The following GUCY1A2 variants were observed in gnomAD, a reference collection of about 807,000 sequenced individuals.
GUCY1A2 encodes guanylate cyclase 1 soluble subunit alpha 2.
A neutral mutation model predicts 63.5 loss-of-function variants in GUCY1A2; 27 were observed. The observed-to-expected ratio is 0.43, with a 90% confidence interval of 0.31 to 0.59. GUCY1A2 has a LOEUF of 0.59. GUCY1A2 is among the 20% of genes least tolerant of loss of function. The pLI, the probability that GUCY1A2 is intolerant of heterozygous loss-of-function variation, is 0.11. For missense variants in GUCY1A2, 768 were observed against 913.3 expected, an observed-to-expected ratio of 0.84 and a Z score of 2.05; for synonymous variants, 364 against 343.5, an observed-to-expected ratio of 1.06 and a Z score of -0.66.
chr11:106,807,190 A>G (rs1324841756), intron 5 of GUCY1A2, among the ~76,000 whole-genome samples: 1 of 152,154 alleles, frequency 6.6e-6, no homozygotes, highest in African/African-American at 2.4e-5. Flanking sequence ...AACTCTTTTC[A>G]TTTCATAAAA....
At chr11:106,802,807 C>G (rs1338924008) in intron 5 of GUCY1A2, among the ~76,000 whole-genome samples, 1 of 152,038 alleles carries the variant, frequency 6.6e-6, no homozygotes, top group Non-Finnish European at 1.5e-5. Flanking sequence ...ATTGAAGTCC[C>G]CACCTTCAAG....
In GUCY1A2 at chr11:106,981,951, A is replaced by T. The variant is rs926972546; in HGVS notation, c.366-3211T>A. On this transcript the variant is annotated intron_variant, in intron 2 of 7. Transcript: ENST00000526355. ...AAAGAGTCATTTACTAACAGTAGTAATAATAATTCAATTCATTTATTGATT... is the reference window on the plus strand; with the variant it reads ...AAAGAGTCATTTACTAACAGTAGTATTAATAATTCAATTCATTTATTGATT... 2.6e-5 allele frequency among the ~76,000 whole-genome samples: 4 copies of T among 152,214 alleles called. No individual in the cohort carries two copies. In the East Asian group the frequency reaches 7.7e-4, roughly 29 times the overall value.
chr11:106,765,100 T>TA (rs1236224049), intron 6 of GUCY1A2, among the ~76,000 whole-genome samples: 1 of 151,992 alleles, frequency 6.6e-6, no homozygotes, highest in Non-Finnish European at 1.5e-5. Context: ...TGTCTTTTTT[T>TA]ATCTTTTAAG....
intron 3 of GUCY1A2, among the ~76,000 whole-genome samples, chr11:106,953,586 G>A (rs1860941115): frequency 1.3e-5 from 2 of 152,060 alleles, no homozygotes; most frequent in African/African-American, 4.8e-5. Context: ...AATAGTTTTA[G>A]AAAGAATGGT....
chr11:106,708,224 C>T (rs1379825551), intron 7 of GUCY1A2, among the ~76,000 whole-genome samples: 4 of 152,084 alleles, frequency 2.6e-5, no homozygotes, highest in South Asian at 2.1e-4. Flanking sequence ...TCCTTAAGAA[C>T]ATTTGCTCTC....
intron 4 of GUCY1A2, chr11:106,936,569 G>T: frequency 1.4e-6 from 1 of 711,718 alleles, no homozygotes; most frequent in Non-Finnish European, 2.4e-6. Flanking sequence ...AGGCATGGAT[G>T]ATCACTTAGA....
intron 6 of GUCY1A2, among the ~76,000 whole-genome samples, chr11:106,742,533 T>C (rs1014675619): frequency 8.5e-5 from 13 of 152,236 alleles, no homozygotes; most frequent in African/African-American, 2.9e-4. Flanking sequence ...TTCCCCTTTA[T>C]GGCTGCATAG....
At chr11:106,946,351 A>C (rs145582243) in intron 3 of GUCY1A2, among the ~76,000 whole-genome samples, 47 of 152,310 alleles carry the variant, frequency 3.1e-4, no homozygotes, top group African/African-American at 1.1e-3. Context: ...AAAACAGCAA[A>C]AGACCAGAAA....
chr11:106,708,372 A>G, intron 7 of GUCY1A2, 140 bp downstream of exon 7: 1 of 574,766 alleles, frequency 1.7e-6, no homozygotes, highest in Non-Finnish European at 3.0e-6. Flanking sequence ...ATTACTATCT[A>G]TCTTTTGGGT....
intron 4 of GUCY1A2, among the ~76,000 whole-genome samples, chr11:106,901,150 A>G (rs936308917): frequency 6.6e-6 from 1 of 152,224 alleles, no homozygotes; most frequent in Non-Finnish European, 1.5e-5. Context: ...TGTCATTTCA[A>G]CAACGTTCAC....
chr11:106,948,028 T>C (rs551182931), intron 3 of GUCY1A2, among the ~76,000 whole-genome samples: 26 of 152,178 alleles, frequency 1.7e-4, no homozygotes, highest in African/African-American at 6.3e-4. Flanking sequence ...AAAAGAAACA[T>C]GCAACTTGCT....
At chr11:106,970,616 G>A (rs937561823) in intron 3 of GUCY1A2, among the ~76,000 whole-genome samples, 7 of 152,260 alleles carry the variant, frequency 4.6e-5, no homozygotes, top group Non-Finnish European at 1.0e-4. Context: ...GCAATAGGAA[G>A]TCTCATTCAT....
chr11:106,964,018 C>T (rs898196920), intron 3 of GUCY1A2, among the ~76,000 whole-genome samples: 47 of 151,862 alleles, frequency 3.1e-4, no homozygotes, highest in African/African-American at 1.1e-3. Flanking sequence ...CTCTCTCATT[C>T]CCCCTTCTCT....
chr11:106,757,380 T>C (rs1863993306), intron 6 of GUCY1A2, among the ~76,000 whole-genome samples: 1 of 152,160 alleles, frequency 6.6e-6, no homozygotes, highest in African/African-American at 2.4e-5. Context: ...CTCCATCCAG[T>C]TTTGTTCCCT....
intron 6 of GUCY1A2, among the ~76,000 whole-genome samples, chr11:106,761,637 T>C (rs1456392512): frequency 6.6e-6 from 1 of 152,128 alleles, no homozygotes; most frequent in Non-Finnish European, 1.5e-5. Flanking sequence ...ACTTTCCCAG[T>C]GTAAAACAGG....
intron 4 of GUCY1A2, among the ~76,000 whole-genome samples, chr11:106,933,271 TA>T (rs1860628801): frequency 6.6e-6 from 1 of 151,540 alleles, no homozygotes; most frequent in African/African-American, 2.4e-5. Context: ...ATAACACCAT[TA>T]AAAATAGGCA....
In GUCY1A2 at chr11:106,687,501, T is replaced by C. The variant is rs1403509853; in HGVS notation, c.*48A>G. On this transcript the variant is annotated 3_prime_UTR_variant, in exon 8 of 8. Coordinates refer to ENST00000526355, the MANE Select transcript of GUCY1A2 (RefSeq NM_000855.3). ...CTTTCCACCCCCCATTGGTGACCCATGTTCTGGGCTTGTGCTTTTTGGAGG... is the reference window on the plus strand; with the variant it reads ...CTTTCCACCCCCCATTGGTGACCCACGTTCTGGGCTTGTGCTTTTTGGAGG... 2.2e-6 allele frequency: 3 copies of C among 1,369,416 alleles called. No homozygotes were observed. The highest frequency in any genetic ancestry group is 3.1e-6 in the Non-Finnish European group (3 of 958,432). 84.8% of individuals were successfully genotyped at this position (1,369,416 alleles called of 1,614,324 possible).
chr11:106,818,791 T>C (rs1858863613), intron 4 of GUCY1A2, among the ~76,000 whole-genome samples: 1 of 152,156 alleles, frequency 6.6e-6, no homozygotes, highest in African/African-American at 2.4e-5. Context: ...AACAGTATTA[T>C]TGCTGATACG....
At chr11:106,760,456 C>T (rs192337980) in intron 6 of GUCY1A2, among the ~76,000 whole-genome samples, 12 of 152,192 alleles carry the variant, frequency 7.9e-5, no homozygotes, top group Non-Finnish European at 1.3e-4. Flanking sequence ...ATAAAACGAT[C>T]GTTTATGTGA....
Sources: gnomAD v4.1 joint callset for allele counts (sites outside exome capture counted in the v4.1 genomes callset) on GRCh38, gnomAD v4.1.1 for gene constraint, MANE v1.5 for transcripts, NCBI Gene and HGNC (gene_info 2026-07-23, HGNC 2026-07-21) for gene names.